Variants in TP53TG3D observed in about 807,000 individuals in gnomAD.
The protein encoded by TP53TG3D is TP53 target 3D.
For synonymous variants in TP53TG3D, 2 were observed against 56.9 expected (o/e 0.04, Z 4.34); for missense variants, 4 against 139.9 (o/e 0.03, Z 4.90).
exon 2 of TP53TG3D, chr16:32,254,935 T>A (rs754674024): frequency 2.5e-6 from 4 of 1,574,002 alleles, no homozygotes; most frequent in Non-Finnish European, 3.5e-6. Context: ...CTGAAACTGA[T>A]AGACACTGCC....
At chr16:32,254,783 C>CTT (rs1301136079) in intron 1 of TP53TG3D, 108 bp from the exon 2 acceptor site, 1 of 1,602,490 alleles carries the variant, frequency 6.2e-7, no homozygotes, top group Non-Finnish European at 8.5e-7. Flanking sequence ...CTGAATAGGG[C>CTT]TCCCTTGGAA....
exon 2 of TP53TG3D, chr16:32,255,092 C>T: frequency 8.0e-7 from 1 of 1,252,606 alleles, no homozygotes; most frequent in Non-Finnish European, 1.1e-6. Flanking sequence ...TCTGGAAAGT[C>T]ATCTGCCTTT....
chr16:32,255,099 C>G, exon 2 of TP53TG3D: 1 of 1,140,378 alleles, frequency 8.8e-7, no homozygotes, highest in East Asian at 2.6e-5. Context: ...AGTCATCTGC[C>G]TTTAATAACT....
chr16:32,254,282 A>G (rs532274815), intron 1 of TP53TG3D: 1 of 1,207,484 alleles, frequency 8.3e-7, no homozygotes, highest in Non-Finnish European at 1.1e-6. Context: ...GATCCCCTCG[A>G]GAAGCCCGTT....
exon 2 of TP53TG3D, chr16:32,255,539 C>T (rs1388978012): frequency 1.3e-5 from 1 of 77,928 alleles, no homozygotes; most frequent in African/African-American, 5.0e-5. Flanking sequence ...GTCTGTAAGG[C>T]TCTGTTCATT....
At position 32,255,248 on chromosome 16, in the gene TP53TG3D, G is replaced by T. The variant is rs374655806; in HGVS notation, c.*345G>T. 6 of 398,610 alleles carry T rather than the reference G, an allele frequency of 1.5e-5. No homozygotes were observed. In the East Asian group the frequency reaches 2.8e-4, roughly 19 times the overall value. The allele number at this position is 398,610 out of a possible 1,614,324, so 24.7% of individuals were successfully genotyped here. Reference sequence around the variant, plus strand: ...TGCTGCTTTCCTAAATCACAATATGGCCTTGGTATGGTTTTATTTGTACTT... The same window carrying T: ...TGCTGCTTTCCTAAATCACAATATGTCCTTGGTATGGTTTTATTTGTACTT... On this transcript the variant is annotated 3_prime_UTR_variant, in exon 2 of 2. Coordinates refer to ENST00000398664, the Ensembl canonical transcript of TP53TG3D.
At chr16:32,254,801 T>C in intron 1 of TP53TG3D, 90 bp from the exon 2 acceptor site, 2 of 1,607,760 alleles carry the variant, frequency 1.2e-6, no homozygotes. Flanking sequence ...GAAAATAATA[T>C]CTCTTTTTAA....
At chr16:32,255,112 C>T in exon 2 of TP53TG3D, 5 of 986,116 alleles carry the variant, frequency 5.1e-6, no homozygotes, top group Non-Finnish European at 7.6e-6. Context: ...TAATAACTGT[C>T]GTTTGTCCTT....
chr16:32,255,350 A>G (rs2142086705), exon 2 of TP53TG3D: 1 of 254,304 alleles, frequency 3.9e-6, no homozygotes, highest in South Asian at 4.0e-5. Flanking sequence ...TGCAGCTGTT[A>G]GTTATTGATT....
chr16:32,255,325 C>G (rs1962201850), exon 2 of TP53TG3D: 1 of 272,794 alleles, frequency 3.7e-6, no homozygotes, highest in East Asian at 1.1e-4. Flanking sequence ...GGTTTTTGAA[C>G]AATTTTTGCA....
chr16:32,254,913 G>T (rs761703249), exon 2 of TP53TG3D: 2 of 1,595,748 alleles, frequency 1.3e-6, no homozygotes, highest in Non-Finnish European at 1.7e-6. Context: ...AGTACTGCAC[G>T]ACTACTCGCT....
chr16:32,254,735 T>G, intron 1 of TP53TG3D, 156 bp from the exon 2 acceptor site: 2 of 1,500,828 alleles, frequency 1.3e-6, no homozygotes, highest in Non-Finnish European at 1.8e-6. Context: ...GAGGGTAGTT[T>G]GTGTGGTGAG....
chr16:32,255,162 A>G (rs1962195021), exon 2 of TP53TG3D: 28 of 704,620 alleles, frequency 4.0e-5, no homozygotes. Context: ...CTAAGAACTT[A>G]TTTCCATTCT....
chr16:32,254,708 G>T, intron 1 of TP53TG3D, 183 bp from the exon 2 acceptor site: 2 of 1,462,662 alleles, frequency 1.4e-6, no homozygotes, highest in Non-Finnish European at 1.8e-6. Context: ...AGCGCCCCTT[G>T]GTCCCTCCCA....
exon 2 of TP53TG3D, chr16:32,255,160 T>G (rs1962194947): frequency 1.4e-6 from 1 of 710,670 alleles, no homozygotes; most frequent in Non-Finnish European, 2.3e-6. Context: ...CTCTAAGAAC[T>G]TATTTCCATT....
At chr16:32,255,134 T>C in exon 2 of TP53TG3D, 1 of 828,042 alleles carries the variant, frequency 1.2e-6, no homozygotes, top group Non-Finnish European at 1.9e-6. Flanking sequence ...ACGTCAGACT[T>C]TCTCCAAGAC....
At chr16:32,254,867 C>T in intron 1 of TP53TG3D, 24 bp from the exon 2 acceptor site, 1 of 1,580,634 alleles carries the variant, frequency 6.3e-7, no homozygotes, top group Non-Finnish European at 8.6e-7. Context: ...AGTGATCATT[C>T]TCTTAATTCA....
rs548295624 is a variant in TP53TG3D, at chr16:32,255,087, A to T, written c.*184A>T. The stretch of plus-strand genomic sequence containing the variant: ...AATGGAACATTTAAGACAAGTCTGG[A>T]AAGTCATCTGCCTTTAATAACTGTC... On this transcript the variant is annotated 3_prime_UTR_variant, in exon 2 of 2. Coordinates refer to ENST00000398664, the Ensembl canonical transcript of TP53TG3D. 4,680 of 1,295,458 alleles carry T rather than the reference A, an allele frequency of 3.6e-3. 56 individuals carry two copies. Among genetic ancestry groups the T allele is most frequent in the Non-Finnish European group, 4.2e-3 (3,861 of 918,634 alleles). The allele number at this position is 1,295,458 out of a possible 1,614,324, so 80.2% of individuals were successfully genotyped here.
chr16:32,255,251 T>C, exon 2 of TP53TG3D: 1 of 386,432 alleles, frequency 2.6e-6, no homozygotes, highest in South Asian at 2.5e-5. Context: ...CAATATGGCC[T>C]TGGTATGGTT....
Sources: gnomAD v4.1 joint callset for allele counts on GRCh38, gnomAD v4.1.1 for gene constraint, MANE v1.5 for transcripts, NCBI Gene and HGNC (gene_info 2026-07-23, HGNC 2026-07-21) for gene names.